DIS3: variants seen among roughly 807,000 people sequenced by gnomAD.
The protein encoded by DIS3 is exosome complex exonuclease RRP44.
A neutral mutation model predicts 113.0 loss-of-function variants in DIS3; 103 were observed. The observed-to-expected ratio is 0.91, with a 90% CI of 0.78 to 1.07. DIS3 has a LOEUF of 1.07. Ranked by LOEUF, DIS3 falls within the 50% of genes least tolerant of loss-of-function variation. The probability of loss-of-function intolerance (pLI) is 0.00; values close to 1 mark genes in which losing one functional copy is unlikely to be tolerated. For synonymous variants in DIS3, 402 were observed against 394.3 expected, an observed-to-expected ratio of 1.02 and a Z score of -0.23; for missense variants, 1,121 against 1,167.1, an observed-to-expected ratio of 0.96 and a Z score of 0.58.
At chr13:72,774,527 T>C (rs2033961545) in intron 6 of DIS3, among the ~76,000 whole-genome samples, 1 of 152,114 alleles carries the variant, frequency 6.6e-6, no homozygotes, top group African/African-American at 2.4e-5. Flanking sequence ...GGGTCTGCTA[T>C]TAGAAATTAC....
chr13:72,771,152 A>C lies in DIS3; in HGVS notation c.1606-7T>G. On this transcript the variant is annotated splice_region_variant and splice_polypyrimidine_tract_variant and intron_variant, in intron 11 of 20. Transcript: ENST00000377767. The stretch of plus-strand genomic sequence containing the variant: ...CTGGAACCATGTCAATCCTCTGCAA[A>C]AGATAAAAATAGAACCACAGATTAC... The C allele has an allele frequency of 1.2e-6, 2 of 1,611,942 alleles. No individual in the cohort carries two copies. The highest frequency in any genetic ancestry group is 1.7e-6 in the Non-Finnish European group (2 of 1,178,670).
At chr13:72,767,238 T>G (rs537448952) in intron 14 of DIS3, among the ~76,000 whole-genome samples, 2 of 152,266 alleles carry the variant, frequency 1.3e-5, no homozygotes, top group African/African-American at 4.8e-5. Context: ...AACCATCTAC[T>G]TACCAAATTA....
At chr13:72,781,332 T>A in intron 1 of DIS3, 1 of 1,551,058 alleles carries the variant, frequency 6.4e-7, no homozygotes, top group Non-Finnish European at 8.7e-7. Flanking sequence ...GAAGCCCAGG[T>A]CCCCGGCCTC....
At position 72,753,895 on chromosome 13, in the gene DIS3, T is replaced by C. The variant is rs2033355393; in HGVS notation, c.*5900A>G. 1 of 1,371,878 alleles carries C rather than the reference T, an allele frequency of 7.3e-7. No individual in the cohort carries two copies. Among genetic ancestry groups the C allele is most frequent in the Non-Finnish European group, 1.0e-6 (1 of 998,942 alleles). 85.0% of individuals were successfully genotyped at this position (1,371,878 alleles called of 1,614,324 possible). On this transcript the variant is annotated 3_prime_UTR_variant, in exon 21 of 21. Coordinates refer to ENST00000377767, the MANE Select transcript of DIS3 (RefSeq NM_014953.5). ...TAAAATAATTTTGATTATTAGACAA[T>C]AGTACTATTGAGAAACTATATGAAA... is the stretch of plus-strand genomic sequence containing the variant.
rs1455398749 is a variant in DIS3 at position 72,760,731 on chromosome 13, C to T, written c.2671-80G>A. 3.3e-6 allele frequency: 5 copies of T among 1,495,914 alleles called. No homozygotes were observed. The East Asian group carries it at 1.2e-4, about 34-fold the overall frequency. The allele number at this position is 1,495,914 out of a possible 1,614,324, so 92.7% of individuals were successfully genotyped here. ...TTCTAATCCTTTACAATTTATCTTA[C>T]ATAGTAGAAGTTTAAATATAAAAAT... On this transcript the variant is annotated intron_variant, in intron 19 of 20. Transcript: ENST00000377767.
At position 72,759,743 on chromosome 13, in the gene DIS3, G is replaced by C; in HGVS notation, c.*52C>G. Reference sequence around the variant, plus strand: ...CTTAGGCTTAGAAGTGTTCTTTCAAGTTTTTTCTTTTAAAAAAGAAACCAG... The same window carrying C: ...CTTAGGCTTAGAAGTGTTCTTTCAACTTTTTTCTTTTAAAAAAGAAACCAG... On this transcript the variant is annotated 3_prime_UTR_variant, in exon 21 of 21. Transcript: ENST00000377767. 1 of 1,458,060 alleles carries C rather than the reference G, an allele frequency of 6.9e-7. No homozygotes were observed. 90.3% of individuals were successfully genotyped at this position (1,458,060 alleles called of 1,614,324 possible).
In DIS3 at chr13:72,761,686, GC is replaced by G. The variant is rs781093782; in HGVS notation, c.2470del (p.Ala824LeufsTer22). On this transcript the variant is annotated frameshift_variant, in exon 18 of 21. Transcript: ENST00000377767. LOFTEE classifies it high-confidence loss of function. ...CKNLNFRHKM[A>X]QYAQRASVAF... is the part of the protein sequence containing the mutation. ...CACTGATGCACGTTGGGCATATTGA[GC>G]CATTTTGTGCCGGAAATTTAGATTT... 1 of 1,612,974 alleles carries G rather than the reference GC, an allele frequency of 6.2e-7. No individual in the cohort carries two copies. Among genetic ancestry groups the G allele is most frequent in the African/African-American group, 1.3e-5 (1 of 74,864 alleles).
chr13:72,771,015 T>C, intron 12 of DIS3, 27 bp from the exon 13 acceptor site: 1 of 1,606,712 alleles, frequency 6.2e-7, no homozygotes, highest in Non-Finnish European at 8.5e-7. Flanking sequence ...AGAGTATTTG[T>C]TAATGGGAAT....
Position 72,754,571 on chromosome 13 carries a change from G to A in DIS3, c.*5224C>T, listed in dbSNP as rs2033392417. 6.6e-6 allele frequency: 1 copy of A among 152,188 alleles called. No individual in the cohort carries two copies. The highest frequency in any genetic ancestry group is 1.5e-5 in the Non-Finnish European group (1 of 68,078). The allele number at this position is 152,188 out of a possible 1,614,324, so 9.4% of individuals were successfully genotyped here. A position where few individuals can be genotyped will look rare whatever the true frequency, so the allele number is the denominator to read the frequency against. Reference sequence around the variant, plus strand: ...ACCTTAGTTTTCCTTTCTGTTGTATGTAGTAGGAGCAAACTGCCTTTCTGT... The same window carrying A: ...ACCTTAGTTTTCCTTTCTGTTGTATATAGTAGGAGCAAACTGCCTTTCTGT... On this transcript the variant is annotated 3_prime_UTR_variant, in exon 21 of 21. Coordinates refer to ENST00000377767, the MANE Select transcript of DIS3 (RefSeq NM_014953.5).
Position 72,758,539 on chromosome 13 carries a change from T to C in DIS3, c.*1256A>G, listed in dbSNP as rs80050198. On this transcript the variant is annotated 3_prime_UTR_variant, in exon 21 of 21. Coordinates refer to ENST00000377767, the MANE Select transcript of DIS3 (RefSeq NM_014953.5). ...ATGTTCTAGCACTTCACAGAAAAGG[T>C]TTTTTGACTCCTACTCTACTGTTTC... 25,661 of 215,090 alleles carry C rather than the reference T, an allele frequency of 0.12. 2,051 individuals carry two copies. Among genetic ancestry groups the C allele is most frequent in the Middle Eastern group, 0.18 (122 of 690 alleles). The allele number at this position is 215,090 out of a possible 1,614,324, so 13.3% of individuals were successfully genotyped here.
intron 13 of DIS3, 100 bp downstream of exon 13, chr13:72,770,804 T>C: frequency 5.1e-6 from 3 of 590,702 alleles, no homozygotes; most frequent in Non-Finnish European, 8.5e-6. Flanking sequence ...TATATATGTG[T>C]ATATATACGT....
chr13:72,772,880 C>A (rs1187129497), intron 8 of DIS3, 41 bp from the exon 9 acceptor site: 2 of 1,542,298 alleles, frequency 1.3e-6, no homozygotes, highest in East Asian at 2.3e-5. Context: ...TATTTTATAG[C>A]AAATTTACAT....
chr13:72,758,069 C>T lies in DIS3; in HGVS notation c.*1726G>A, dbSNP rs2033534312. The T allele has an allele frequency of 1.6e-5, 3 of 188,600 alleles. No individual in the cohort carries two copies. In the South Asian group the frequency reaches 5.9e-4, roughly 37 times the overall value. 11.7% of individuals were successfully genotyped at this position (188,600 alleles called of 1,614,324 possible). On this transcript the variant is annotated 3_prime_UTR_variant, in exon 21 of 21. Transcript: ENST00000377767. ...TGCCAACTTGTTCATGGTAAATGTC[C>T]TAAATAGGTGTACCATTTTATATCT...
At chr13:72,762,961 T>C (rs2033661524) in intron 16 of DIS3, among the ~76,000 whole-genome samples, 1 of 151,964 alleles carries the variant, frequency 6.6e-6, no homozygotes, top group Admixed American at 6.6e-5. Flanking sequence ...GCTGCATAGA[T>C]CTTAGTCTAA....
In DIS3 at chr13:72,755,219, TG is replaced by T; in HGVS notation, c.*4575del. 1 of 1,608,426 alleles carries T rather than the reference TG, an allele frequency of 6.2e-7. No homozygotes were observed. Among genetic ancestry groups the T allele is most frequent in the Non-Finnish European group, 8.5e-7 (1 of 1,175,118 alleles). Reference sequence around the variant, plus strand: ...CTTTTCAATGCAGCAGTCCATAGAATGCCTCTGTCAGAATCAAAGACTAAGC... The same window carrying T: ...CTTTTCAATGCAGCAGTCCATAGAATCCTCTGTCAGAATCAAAGACTAAGC... On this transcript the variant is annotated 3_prime_UTR_variant, in exon 21 of 21. Coordinates refer to ENST00000377767, the MANE Select transcript of DIS3 (RefSeq NM_014953.5).
chr13:72,768,416 G>A (rs1401658748), intron 14 of DIS3, among the ~76,000 whole-genome samples: 1 of 152,152 alleles, frequency 6.6e-6, no homozygotes, highest in Non-Finnish European at 1.5e-5. Context: ...TTGGGAGGCC[G>A]AGGCGGCTGG....
At chr13:72,764,322 T>C (rs1438032887) in intron 15 of DIS3, among the ~76,000 whole-genome samples, 1 of 152,222 alleles carries the variant, frequency 6.6e-6, no homozygotes, top group African/African-American at 2.4e-5. Context: ...ATACAAATTT[T>C]GGCTTAAAAA....
chr13:72,773,921 T>C, intron 7 of DIS3, 25 bp downstream of exon 7: 1 of 1,587,914 alleles, frequency 6.3e-7, no homozygotes, highest in Non-Finnish European at 8.6e-7. Context: ...ATTTTTTTAT[T>C]ACATAGTAAA....
chr13:72,778,632 T>C (rs1280442610), intron 2 of DIS3, among the ~76,000 whole-genome samples: 1 of 152,190 alleles, frequency 6.6e-6, no homozygotes, highest in African/African-American at 2.4e-5. Flanking sequence ...TACAATTTTA[T>C]TTCCTAAAAA....
Sources: gnomAD v4.1 joint callset for allele counts (sites outside exome capture counted in the v4.1 genomes callset) on GRCh38, gnomAD v4.1.1 for gene constraint, MANE v1.5 for transcripts, NCBI Gene and HGNC (gene_info 2026-07-23, HGNC 2026-07-21) for gene names.